The following ZNF98 variants were observed in gnomAD, a reference collection of about 807,000 sequenced individuals.
ZNF98 encodes the protein zinc finger protein 739.
A neutral mutation model predicts 12.8 loss-of-function variants in ZNF98; 8 were observed. The ratio of observed to expected loss-of-function variants is 0.63; its 90% CI spans 0.37 to 1.13. The LOEUF is 1.13. ZNF98 is among the 50% of genes most tolerant of loss of function. The pLI, the probability that ZNF98 is intolerant of heterozygous loss-of-function variation, is 0.01. For missense variants in ZNF98, 379 were observed against 666.1 expected, an observed-to-expected ratio of 0.57 and a Z score of 4.74; for synonymous variants, 112 against 223.5, an observed-to-expected ratio of 0.50 and a Z score of 4.45.
At chr19:22,394,710 C>T (rs1056366264) in intron 3 of ZNF98, among the ~76,000 whole-genome samples, 2 of 151,818 alleles carry the variant, frequency 1.3e-5, no homozygotes, top group African/African-American at 2.4e-5. Context: ...GGGGGAAGGA[C>T]AGCATTAACC....
chr19:22,397,463 T>C (rs1395550724), intron 3 of ZNF98, among the ~76,000 whole-genome samples: 2 of 152,080 alleles, frequency 1.3e-5, no homozygotes, highest in Admixed American at 1.3e-4. Context: ...TGGTTCTCAA[T>C]AGCTAATACA....
chr19:22,391,377 T>C lies in ZNF98; in HGVS notation c.*139A>G, dbSNP rs1296489132. 1.4e-6 allele frequency: 2 copies of C among 1,453,910 alleles called. No homozygotes were observed. Among genetic ancestry groups the C allele is most frequent in the Non-Finnish European group, 1.8e-6 (2 of 1,101,292 alleles). 90.1% of individuals were successfully genotyped at this position (1,453,910 alleles called of 1,614,324 possible). On this transcript the variant is annotated 3_prime_UTR_variant, in exon 4 of 4. Transcript: ENST00000357774. The stretch of plus-strand genomic sequence containing the variant: ...TTTGTTCTCATCAAGTATAAAGGCT[T>C]TCCTGTGCAATAAGGTTTGAGCATT...
In ZNF98 at chr19:22,404,177, G is replaced by A. The variant is rs192385289; in HGVS notation, c.31-665C>T. Among the ~76,000 whole-genome samples the A allele has an allele frequency of 4.1e-3, 628 of 152,308 alleles. 9 individuals carry two copies. The East Asian group carries it at 0.049, about 12-fold the overall frequency. On this transcript the variant is annotated intron_variant, in intron 1 of 3. Coordinates refer to ENST00000357774, the MANE Select transcript of ZNF98 (RefSeq NM_001098626.2). ...GGAGCTTGCAGTGAGCTGAAATCGC[G>A]CCACTACACTCCAGCCTGGGTGACA...
rs560480708 is a variant in ZNF98, at chr19:22,394,213, T to C, written c.254-1232A>G. ...AGGTGCTGGAGAGGATGTGGAGAAA[T>C]AGAAACGCTTTTACACTGTTGGTGG... is the stretch of plus-strand genomic sequence containing the variant. On this transcript the variant is annotated intron_variant, in intron 3 of 3. Transcript: ENST00000357774. Among the ~76,000 whole-genome samples the C allele has an allele frequency of 1.0e-4, 15 of 145,550 alleles. No homozygotes were observed. The East Asian group carries it at 2.0e-3, about 19-fold the overall frequency.
At chr19:22,420,960 C>CT (rs951748440) in intron 1 of ZNF98, among the ~76,000 whole-genome samples, 1 of 152,060 alleles carries the variant, frequency 6.6e-6, no homozygotes, top group African/African-American at 2.4e-5. Flanking sequence ...TTTTCTTTTT[C>CT]TTTTTTTCAA....
chr19:22,416,603 A>C (rs986819086), intron 1 of ZNF98, among the ~76,000 whole-genome samples: 43 of 151,572 alleles, frequency 2.8e-4, no homozygotes, highest in African/African-American at 1.0e-3. Flanking sequence ...AAATATAAAA[A>C]TTAGCCAGGC....
At chr19:22,406,494 A>G (rs1969520376) in intron 1 of ZNF98, among the ~76,000 whole-genome samples, 1 of 152,176 alleles carries the variant, frequency 6.6e-6, no homozygotes, top group African/African-American at 2.4e-5. Flanking sequence ...AAAACTAGAC[A>G]AACTCATGAA....
At chr19:22,411,934 T>TA (rs1969585080) in intron 1 of ZNF98, among the ~76,000 whole-genome samples, 1 of 151,206 alleles carries the variant, frequency 6.6e-6, no homozygotes, top group African/African-American at 2.4e-5. Context: ...ATCAAGTTGT[T>TA]AGAGACCGAT....
intron 1 of ZNF98, among the ~76,000 whole-genome samples, chr19:22,418,395 G>C (rs561303901): frequency 3.0e-4 from 45 of 152,210 alleles, no homozygotes; most frequent in African/African-American, 1.1e-3. Context: ...AAAAAAAATG[G>C]GGAAAGATGA....
intron 1 of ZNF98, among the ~76,000 whole-genome samples, chr19:22,407,674 T>TGCACTGGAC: frequency 6.6e-6 from 1 of 151,514 alleles, no homozygotes; most frequent in African/African-American, 2.4e-5. Flanking sequence ...ATAATGCCAC[T>TGCACTGGAC]ATACTCCAAC....
Position 22,392,610 on chromosome 19 carries a change from G to T in ZNF98, c.625C>A (p.Pro209Thr), listed in dbSNP as rs1368993673. The T allele has an allele frequency of 1.9e-6, 3 of 1,605,840 alleles. No individual in the cohort carries two copies. The highest frequency in any genetic ancestry group is 3.4e-5 in the Admixed American group (2 of 58,404). Reference protein sequence around the residue: ...QHKRIHSGEKPYKCKECGKAY... With the variant: ...QHKRIHSGEKTYKCKECGKAY... ...TTCCCACATTCTTTACATTTGTAGG[G>T]TTTCTCTCCACTATGAATTCTTTTA... Residue 209 changes from proline to threonine, a missense_variant, in exon 4 of 4, where the codon CCC becomes ACC. Physicochemically the swap from Pro to Thr is conservative, Grantham distance 38 (BLOSUM62 -1). Coordinates refer to ENST00000357774, the MANE Select transcript of ZNF98 (RefSeq NM_001098626.2).
At chr19:22,419,342 G>A (rs1366718297) in intron 1 of ZNF98, among the ~76,000 whole-genome samples, 1 of 152,116 alleles carries the variant, frequency 6.6e-6, no homozygotes, top group Non-Finnish European at 1.5e-5. Flanking sequence ...TGGGGCCCCA[G>A]TTTTCCAGGG....
intron 3 of ZNF98, among the ~76,000 whole-genome samples, chr19:22,397,974 A>G (rs999045990): frequency 2.6e-5 from 4 of 151,614 alleles, no homozygotes; most frequent in Non-Finnish European, 5.9e-5. Context: ...ACTCTCACAT[A>G]TATGGTCACA....
intron 3 of ZNF98, among the ~76,000 whole-genome samples, chr19:22,399,002 T>A (rs556996491): frequency 2.0e-5 from 3 of 152,202 alleles, no homozygotes; most frequent in African/African-American, 7.2e-5. Flanking sequence ...GGCTGATTTA[T>A]CTCTTAAACC....
At chr19:22,398,550 G>T (rs1292479761) in intron 3 of ZNF98, among the ~76,000 whole-genome samples, 1 of 151,772 alleles carries the variant, frequency 6.6e-6, no homozygotes, top group Non-Finnish European at 1.5e-5. Context: ...ACAGAGATGA[G>T]GTTTCCATAT....
chr19:22,409,913 CAAA>C (rs71180546), intron 1 of ZNF98, among the ~76,000 whole-genome samples: 240 of 89,416 alleles, frequency 2.7e-3, no homozygotes, highest in African/African-American at 9.8e-3. Flanking sequence ...CTCTATCTCA[CAAA>C]AAAAAAAAAA....
intron 3 of ZNF98, among the ~76,000 whole-genome samples, chr19:22,396,793 T>C (rs534945325): frequency 6.6e-6 from 1 of 152,310 alleles, no homozygotes; most frequent in East Asian, 1.9e-4. Context: ...TACTTGAAGT[T>C]AAAACTCCAA....
intron 1 of ZNF98, among the ~76,000 whole-genome samples, chr19:22,417,563 G>C (rs1969659495): frequency 6.6e-6 from 1 of 152,064 alleles, no homozygotes; most frequent in South Asian, 2.1e-4. Flanking sequence ...CTCAGGTAGA[G>C]GTATACTCTG....
intron 1 of ZNF98, among the ~76,000 whole-genome samples, chr19:22,417,758 A>G (rs371509964): frequency 1.3e-5 from 2 of 152,136 alleles, no homozygotes; most frequent in East Asian, 3.9e-4. Flanking sequence ...CTGTTGTAAA[A>G]TTTCTCAGCA....
Sources: gnomAD v4.1 joint callset for allele counts (sites outside exome capture counted in the v4.1 genomes callset) on GRCh38, gnomAD v4.1.1 for gene constraint, MANE v1.5 for transcripts, NCBI Gene and HGNC (gene_info 2026-07-23, HGNC 2026-07-21) for gene names.